The following FAT4 variants were observed in gnomAD, a reference collection of about 807,000 sequenced individuals.
The protein encoded by FAT4 is protocadherin Fat 4.
Under a neutral mutation model 303.9 loss-of-function variants are expected in FAT4, and 84 were observed. That is an observed-to-expected ratio of 0.28 (90% confidence interval 0.23 to 0.33). FAT4 has a LOEUF of 0.33. Ranked by LOEUF, FAT4 falls within the 10% of genes least tolerant of loss-of-function variation. FAT4 has a pLI of 1.00. For synonymous variants in FAT4, 2,307 were observed against 2,298.8 expected (o/e 1.00, Z -0.10); for missense variants, 6,005 against 6,146.8 (o/e 0.98, Z 0.77).
Position 125,491,847 on chromosome 4 carries a change from T to A in FAT4, c.*79T>A. On this transcript the variant is annotated 3_prime_UTR_variant, in exon 18 of 18. Transcript: ENST00000394329. ...TTGTAAAGTTGCTGACTAGGTTGGG[T>A]CACATTTGAAAAACAGGCCAGTATG... 4 of 1,431,930 alleles carry A rather than the reference T, an allele frequency of 2.8e-6. No individual in the cohort carries two copies. Among genetic ancestry groups the A allele is most frequent in the East Asian group, 2.5e-5 (1 of 40,322 alleles). The allele number at this position is 1,431,930 out of a possible 1,614,324, so 88.7% of individuals were successfully genotyped here. A position where few individuals can be genotyped will look rare whatever the true frequency, so the allele number is the denominator to read the frequency against.
At chr4:125,330,965 C>T (rs947132900) in intron 2 of FAT4, among the ~76,000 whole-genome samples, 1 of 152,232 alleles carries the variant, frequency 6.6e-6, no homozygotes, top group Non-Finnish European at 1.5e-5. Context: ...GCCCCAGCCT[C>T]AGGCGCCCCT....
At chr4:125,414,507 C>T (rs563952452) in intron 5 of FAT4, among the ~76,000 whole-genome samples, 2 of 152,206 alleles carry the variant, frequency 1.3e-5, no homozygotes, top group East Asian at 3.9e-4. Flanking sequence ...TGCCATACAT[C>T]AGAACATTTT....
At chr4:125,433,744 C>T (rs1725356005) in intron 7 of FAT4, among the ~76,000 whole-genome samples, 1 of 151,922 alleles carries the variant, frequency 6.6e-6, no homozygotes, top group Non-Finnish European at 1.5e-5. Context: ...TTTTTGTTTC[C>T]CACAGACAGT....
In FAT4 at chr4:125,321,410, A is replaced by C. The variant is rs369211657; in HGVS notation, c.4999A>C (p.Ile1667Leu). 6 of 1,614,004 alleles carry C rather than the reference A, an allele frequency of 3.7e-6. No individual in the cohort carries two copies. The highest frequency in any genetic ancestry group is 5.1e-6 in the Non-Finnish European group (6 of 1,180,000). The change falls in exon 2 of 18, where the codon ATT (isoleucine) becomes CTT (leucine). Residue 1667 changes from isoleucine to leucine, a missense_variant. Transcript: ENST00000394329. ...RGSEAPVEYY[I>L]VSVRCEEKTV... ...ATCTGAGGCCCCAGTGGAGTATTAT[A>C]TTGTTTCAGTTCGTTGTGAAGAAAA...
chr4:125,356,549 G>GTTTTTTTTTT (rs57855830), intron 2 of FAT4, among the ~76,000 whole-genome samples: 3 of 131,444 alleles, frequency 2.3e-5, no homozygotes, highest in Non-Finnish European at 3.3e-5. Flanking sequence ...TTTGTTTTTT[G>GTTTTTTTTTT]TTTTTTTTTT....
At chr4:125,413,125 C>T (rs931436491) in intron 5 of FAT4, among the ~76,000 whole-genome samples, 12 of 151,286 alleles carry the variant, frequency 7.9e-5, no homozygotes, top group African/African-American at 2.4e-5. Context: ...AATGTATATA[C>T]GTATATTTAC....
chr4:125,328,342 A>C (rs1731240055), intron 2 of FAT4, among the ~76,000 whole-genome samples: 1 of 152,216 alleles, frequency 6.6e-6, no homozygotes, highest in Admixed American at 6.5e-5. Flanking sequence ...TGCTCTTAAT[A>C]TCCTGAGACA....
chr4:125,333,456 T>C (rs918071160), intron 2 of FAT4, among the ~76,000 whole-genome samples: 4 of 152,168 alleles, frequency 2.6e-5, no homozygotes, highest in African/African-American at 7.2e-5. Context: ...AAAGTGCAGT[T>C]CTGGCAAATT....
At chr4:125,355,812 A>G (rs1732402055) in intron 2 of FAT4, among the ~76,000 whole-genome samples, 1 of 151,904 alleles carries the variant, frequency 6.6e-6, no homozygotes, top group African/African-American at 2.4e-5. Flanking sequence ...GATGATGATG[A>G]TGACAAAGTT....
intron 8 of FAT4, among the ~76,000 whole-genome samples, chr4:125,442,644 G>T (rs760065333): frequency 1.3e-5 from 2 of 152,012 alleles, no homozygotes; most frequent in Non-Finnish European, 2.9e-5. Context: ...TGAGGTATAT[G>T]AAACATAAAT....
At chr4:125,421,698 C>A (rs1017132653) in intron 7 of FAT4, among the ~76,000 whole-genome samples, 2 of 152,098 alleles carry the variant, frequency 1.3e-5, no homozygotes, top group South Asian at 4.2e-4. Flanking sequence ...AGAAATCTGA[C>A]ATTAAGTGAT....
intron 8 of FAT4, among the ~76,000 whole-genome samples, chr4:125,442,365 A>G (rs979012088): frequency 6.6e-6 from 1 of 151,824 alleles, no homozygotes; most frequent in Non-Finnish European, 1.5e-5. Context: ...TGAAACCAGG[A>G]TTTTTTTTAA....
At chr4:125,427,620 A>C (rs911355742) in intron 7 of FAT4, among the ~76,000 whole-genome samples, 1 of 152,158 alleles carries the variant, frequency 6.6e-6, no homozygotes, top group Non-Finnish European at 1.5e-5. Context: ...ATGCTAATAT[A>C]GGATGACTGA....
chr4:125,358,942 CAAACAAGTTTGTTATACA>C (rs1424863043), intron 2 of FAT4, among the ~76,000 whole-genome samples: 1 of 152,102 alleles, frequency 6.6e-6, no homozygotes, highest in East Asian at 1.9e-4. Flanking sequence ...ATAAATCATA[CAAACAAGTTTGTTATACA>C]AAACATGATT....
Position 125,492,781 on chromosome 4 carries a change from G to A in FAT4, c.*1013G>A, listed in dbSNP as rs1727696580. 1 of 152,218 alleles carries A rather than the reference G, an allele frequency of 6.6e-6. No homozygotes were observed. Among genetic ancestry groups the A allele is most frequent in the African/African-American group, 2.4e-5 (1 of 41,324 alleles). The allele number at this position is 152,218 out of a possible 1,614,324, so 9.4% of individuals were successfully genotyped here. Reference sequence around the variant, plus strand: ...TACTGATATTTTCCTATGCTGAATAGTTTTCTTACTTTCAGGGAAGGTAAG... The same window carrying A: ...TACTGATATTTTCCTATGCTGAATAATTTTCTTACTTTCAGGGAAGGTAAG... On this transcript the variant is annotated 3_prime_UTR_variant, in exon 18 of 18. Coordinates refer to ENST00000394329, the MANE Select transcript of FAT4 (RefSeq NM_001291303.3).
At chr4:125,399,434 A>G (rs1734302050) in intron 3 of FAT4, among the ~76,000 whole-genome samples, 1 of 151,996 alleles carries the variant, frequency 6.6e-6, no homozygotes, top group African/African-American at 2.4e-5. Flanking sequence ...AAAAAACTCC[A>G]TAGCTTATTT....
At chr4:125,349,774 T>G (rs1056359588) in intron 2 of FAT4, among the ~76,000 whole-genome samples, 1 of 151,692 alleles carries the variant, frequency 6.6e-6, no homozygotes, top group Non-Finnish European at 1.5e-5. Context: ...TATATAAAGA[T>G]GCACAAAGGC....
intron 15 of FAT4, 108 bp from the exon 16 acceptor site, chr4:125,481,413 C>T (rs962247433): frequency 1.1e-6 from 1 of 915,584 alleles, no homozygotes; most frequent in South Asian, 1.7e-5. Context: ...ACATTAATTC[C>T]CAAAACGACA....
At chr4:125,382,827 CT>C (rs1733593361) in intron 2 of FAT4, among the ~76,000 whole-genome samples, 1 of 152,176 alleles carries the variant, frequency 6.6e-6, no homozygotes, top group South Asian at 2.1e-4. Flanking sequence ...TTTGCTAGAT[CT>C]TCTGGATATC....
Sources: gnomAD v4.1 joint callset for allele counts (sites outside exome capture counted in the v4.1 genomes callset) on GRCh38, gnomAD v4.1.1 for gene constraint, MANE v1.5 for transcripts, NCBI Gene and HGNC (gene_info 2026-07-23, HGNC 2026-07-21) for gene names.